The following ADGRE2 variants were observed in gnomAD, a reference collection of about 807,000 sequenced individuals.
ADGRE2 encodes adhesion G protein-coupled receptor E2.
A neutral mutation model predicts 100.8 loss-of-function variants in ADGRE2; 83 were observed. That is an observed-to-expected ratio of 0.82 (90% CI 0.69 to 0.99). ADGRE2 has a LOEUF of 0.99. Among genes scored for constraint, ADGRE2 ranks in the 50% least tolerant of loss-of-function variants. The probability of loss-of-function intolerance (pLI) is 0.00; values close to 1 mark genes in which losing one functional copy is unlikely to be tolerated. For synonymous variants in ADGRE2, 355 were observed against 413.0 expected, an observed-to-expected ratio of 0.86 and a Z score of 1.70; for missense variants, 814 against 1,035.7, an observed-to-expected ratio of 0.79 and a Z score of 2.94.
intron 5 of ADGRE2, 49 bp downstream of exon 5, chr19:14,772,293 C>T: frequency 6.2e-7 from 1 of 1,611,094 alleles, no homozygotes; most frequent in Non-Finnish European, 8.5e-7. Flanking sequence ...GCTCTGGTGA[C>T]CCCAAACCTC....
intron 20 of ADGRE2, among the ~76,000 whole-genome samples, chr19:14,738,643 G>A (rs553796982): frequency 1.3e-5 from 2 of 152,208 alleles, no homozygotes; most frequent in East Asian, 3.9e-4. Flanking sequence ...CTCCCAAAGT[G>A]CTGGGATTAC....
intron 4 of ADGRE2, among the ~76,000 whole-genome samples, chr19:14,773,441 C>T (rs189365339): frequency 0.017 from 2,411 of 145,646 alleles, 40 homozygotes; most frequent in South Asian, 0.066. Context: ...GGTCTTGCTC[C>T]TGTTGCCCAG....
chr19:14,777,162 C>T (rs1165100403), intron 1 of ADGRE2: 5 of 932,754 alleles, frequency 5.4e-6, no homozygotes, highest in Non-Finnish European at 6.4e-6. Context: ...CCGGGCGGGG[C>T]GGTCTCGCCT....
Position 14,760,368 on chromosome 19 carries a change from G to C in ADGRE2, c.1085-4023C>G, listed in dbSNP as rs559881160. Among the ~76,000 whole-genome samples the C allele has an allele frequency of 3.9e-5, 6 of 152,222 alleles. No homozygotes were observed. In the East Asian group the frequency reaches 1.2e-3, roughly 29 times the overall value. On this transcript the variant is annotated intron_variant, in intron 11 of 20. Coordinates refer to ENST00000315576, the MANE Select transcript of ADGRE2 (RefSeq NM_013447.4). ...AAAAGCAATTAAAAACAGAACAAAA[G>C]AAAACGGAAGTAACAAGTTTTGCTG... is the stretch of plus-strand genomic sequence containing the variant.
At chr19:14,744,831 A>T (rs1300970105) in intron 18 of ADGRE2, among the ~76,000 whole-genome samples, 1 of 151,840 alleles carries the variant, frequency 6.6e-6, no homozygotes, top group Non-Finnish European at 1.5e-5. Context: ...GCCTGAACTG[A>T]GGGTACGGTA....
chr19:14,778,420 G>C lies in ADGRE2; in HGVS notation c.-335C>G, dbSNP rs1341056854. 2 of 790,270 alleles carry C rather than the reference G, an allele frequency of 2.5e-6. No homozygotes were observed. Among genetic ancestry groups the C allele is most frequent in the Non-Finnish European group, 3.1e-6 (2 of 651,668 alleles). The allele number at this position is 790,270 out of a possible 1,614,324, so 49.0% of individuals were successfully genotyped here. A position where few individuals can be genotyped will look rare whatever the true frequency, so the allele number is the denominator to read the frequency against. ...TGAGACCCTGTGTCAAAAACAAAAA[G>C]AAAGAAAGAAAACTGAGGCATTACA... On this transcript the variant is annotated 5_prime_UTR_variant, in exon 1 of 21. Coordinates refer to ENST00000315576, the MANE Select transcript of ADGRE2 (RefSeq NM_013447.4).
At chr19:14,769,642 A>G (rs1456826746) in intron 5 of ADGRE2, among the ~76,000 whole-genome samples, 1 of 151,986 alleles carries the variant, frequency 6.6e-6, no homozygotes, top group Non-Finnish European at 1.5e-5. Context: ...CTATCCACCA[A>G]CTAAGCCCCC....
At chr19:14,753,788 T>TA (rs58085048) in intron 14 of ADGRE2, among the ~76,000 whole-genome samples, 54 of 141,268 alleles carry the variant, frequency 3.8e-4, no homozygotes, top group Middle Eastern at 3.6e-3. Flanking sequence ...AGACCCTGTC[T>TA]AAAAAAAAAA....
Position 14,776,897 on chromosome 19 carries a change from C to A in ADGRE2, c.-141G>T. The A allele has an allele frequency of 4.0e-6, 6 of 1,508,400 alleles. No individual in the cohort carries two copies. Among genetic ancestry groups the A allele is most frequent in the Non-Finnish European group, 5.3e-6 (6 of 1,124,952 alleles). The allele number at this position is 1,508,400 out of a possible 1,614,324, so 93.4% of individuals were successfully genotyped here. On this transcript the variant is annotated 5_prime_UTR_variant, in exon 2 of 21. Coordinates refer to ENST00000315576, the MANE Select transcript of ADGRE2 (RefSeq NM_013447.4). Reference sequence around the variant, plus strand: ...AGGAGGGGGGGCGGACAGCCGCTGGCCCAGGGCCCTCCCCGGAACTGGCGG... The same window carrying A: ...AGGAGGGGGGGCGGACAGCCGCTGGACCAGGGCCCTCCCCGGAACTGGCGG...
At chr19:14,728,105 C>G (rs2524360), downstream of ADGRE2, among the ~76,000 whole-genome samples, 2 of 151,738 alleles carry the variant, frequency 1.3e-5, no homozygotes, top group Non-Finnish European at 2.9e-5. Context: ...CCCAACTACT[C>G]GGGAGGCTGA....
At chr19:14,745,209 C>G (rs1457645247) in intron 18 of ADGRE2, among the ~76,000 whole-genome samples, 1 of 151,988 alleles carries the variant, frequency 6.6e-6, no homozygotes, top group African/African-American at 2.4e-5. Flanking sequence ...CATGCCCGGC[C>G]TTCTTTGTGC....
intron 20 of ADGRE2, among the ~76,000 whole-genome samples, chr19:14,742,359 G>C (rs1204980442): frequency 6.6e-6 from 1 of 152,160 alleles, no homozygotes; most frequent in African/African-American, 2.4e-5. Context: ...AGCTTCCTGA[G>C]TTGCTGGGAC....
chr19:14,758,842 G>T (rs1467375502), intron 11 of ADGRE2, among the ~76,000 whole-genome samples: 1 of 136,928 alleles, frequency 7.3e-6, no homozygotes, highest in Non-Finnish European at 1.5e-5. Flanking sequence ...CCGAGATCGC[G>T]CCCCTGCACT....
intron 11 of ADGRE2, among the ~76,000 whole-genome samples, chr19:14,764,053 T>A (rs2147392504): frequency 6.6e-6 from 1 of 151,490 alleles, no homozygotes; most frequent in African/African-American, 2.4e-5. Context: ...TTCTTCTTCC[T>A]CCTCCTCCTC....
At chr19:14,731,095 C>T (rs892543484), downstream of ADGRE2, 3 of 1,282,344 alleles carry the variant, frequency 2.3e-6, no homozygotes, top group East Asian at 2.5e-5. Context: ...CCTGCCCCCT[C>T]CCCCCAAGGA....
chr19:14,767,125 G>T lies in ADGRE2; in HGVS notation c.356-16C>A, dbSNP rs547854226. Reference sequence around the variant, plus strand: ...TCGTCCACATCTGCAAGAGGAAGGAGAGGGTGAAGAATGCCCGTAGCTGTG... The same window carrying T: ...TCGTCCACATCTGCAAGAGGAAGGATAGGGTGAAGAATGCCCGTAGCTGTG... On this transcript the variant is annotated splice_polypyrimidine_tract_variant and intron_variant, in intron 5 of 20. Transcript: ENST00000315576. The T allele has an allele frequency of 1.0e-5, 16 of 1,606,506 alleles. No homozygotes were observed. Among genetic ancestry groups the T allele is most frequent in the Non-Finnish European group, 1.4e-5 (16 of 1,176,954 alleles).
intron 14 of ADGRE2, among the ~76,000 whole-genome samples, chr19:14,754,439 TTATCTATCTATCTATCTATCTATC>T (rs58065037): frequency 1.3e-4 from 16 of 126,342 alleles, no homozygotes; most frequent in East Asian, 1.1e-3. Flanking sequence ...CAGGCAGAAA[TTATCTATCTATCTATCTATCTATC>T]TATCTATCTA....
At chr19:14,755,912 G>A in intron 12 of ADGRE2, 35 bp from the exon 13 acceptor site, 1 of 1,575,378 alleles carries the variant, frequency 6.3e-7, no homozygotes, top group Non-Finnish European at 8.7e-7. Context: ...TCTTGGAGTA[G>A]GTTGAATCTC....
At chr19:14,736,916 A>AAC in intron 20 of ADGRE2, among the ~76,000 whole-genome samples, 1 of 137,368 alleles carries the variant, frequency 7.3e-6, no homozygotes, top group South Asian at 2.3e-4. Flanking sequence ...TATATTTAGA[A>AAC]ATATATATAT....
Sources: gnomAD v4.1 joint callset for allele counts (sites outside exome capture counted in the v4.1 genomes callset) on GRCh38, gnomAD v4.1.1 for gene constraint, MANE v1.5 for transcripts, NCBI Gene and HGNC (gene_info 2026-07-23, HGNC 2026-07-21) for gene names.